The following INPP4B variants were observed in gnomAD, a reference collection of about 807,000 sequenced individuals.
The protein encoded by INPP4B is inositol polyphosphate 4-phosphatase type II.
INPP4B carries 55 observed loss-of-function variants against 122.5 expected under a neutral mutation model. The ratio of observed to expected loss-of-function variants is 0.45; its 90% CI spans 0.36 to 0.56. The LOEUF (loss-of-function observed/expected upper bound fraction) is 0.56. Among genes scored for constraint, INPP4B ranks in the 20% least tolerant of loss-of-function variants. INPP4B has a pLI of 0.00. For missense variants in INPP4B, 1,000 were observed against 1,097.7 expected (o/e 0.91, Z 1.26); for synonymous variants, 403 against 388.7 (o/e 1.04, Z -0.43).
At chr4:142,520,916 TGA>T (rs1343468017) in intron 2 of INPP4B, among the ~76,000 whole-genome samples, 3 of 152,138 alleles carry the variant, frequency 2.0e-5, no homozygotes, top group African/African-American at 7.2e-5. Context: ...ATTGACCTTA[TGA>T]TCTTTGTGTT....
chr4:142,375,402 C>G (rs573992834), intron 7 of INPP4B, among the ~76,000 whole-genome samples: 21 of 151,374 alleles, frequency 1.4e-4, no homozygotes, highest in Admixed American at 6.6e-4. Context: ...GTTTATTTCT[C>G]GAGTCATTTT....
chr4:142,819,259 G>T (rs539161103), intron 1 of INPP4B, among the ~76,000 whole-genome samples: 1 of 152,208 alleles, frequency 6.6e-6, no homozygotes, highest in Non-Finnish European at 1.5e-5. Flanking sequence ...AGCCCTAAAG[G>T]GCTACATCCA....
chr4:142,599,335 A>G (rs1739384388), intron 2 of INPP4B, among the ~76,000 whole-genome samples: 1 of 152,192 alleles, frequency 6.6e-6, no homozygotes, highest in African/African-American at 2.4e-5. Context: ...CCTAGTTGGC[A>G]TCTTTGTCTT....
At chr4:142,805,079 G>T (rs1315941318) in intron 1 of INPP4B, among the ~76,000 whole-genome samples, 1 of 152,052 alleles carries the variant, frequency 6.6e-6, no homozygotes, top group Non-Finnish European at 1.5e-5. Flanking sequence ...ACAACCGAAT[G>T]GTTATATTAA....
At position 142,242,996 on chromosome 4, in the gene INPP4B, C is replaced by A. The variant is rs28622082; in HGVS notation, c.689-4985G>T. ...CCACAGAAGTGAGCCTTAGATCTGG[C>A]AACTCAGATGTTTCTCGTCATTACT... is the stretch of plus-strand genomic sequence containing the variant. On this transcript the variant is annotated intron_variant, in intron 11 of 25. Coordinates refer to ENST00000262992, the MANE Select transcript of INPP4B (RefSeq NM_001101669.3). Among the ~76,000 whole-genome samples the A allele has an allele frequency of 4.6e-3, 697 of 152,246 alleles. 4 individuals are homozygous for A. The highest frequency in any genetic ancestry group is 0.016 in the African/African-American group (659 of 41,538).
chr4:142,365,243 A>G (rs2148611470), intron 7 of INPP4B, among the ~76,000 whole-genome samples: 1 of 152,264 alleles, frequency 6.6e-6, no homozygotes, highest in East Asian at 1.9e-4. Context: ...AAACAATAGG[A>G]GAGCAAGGGC....
At chr4:142,046,671 G>C (rs1228483988) in intron 25 of INPP4B, among the ~76,000 whole-genome samples, 3 of 151,998 alleles carry the variant, frequency 2.0e-5, no homozygotes, top group Non-Finnish European at 4.4e-5. Flanking sequence ...CTAAATTCTA[G>C]GTAATTTTAA....
chr4:142,636,923 T>G (rs1749282808), intron 2 of INPP4B, among the ~76,000 whole-genome samples: 1 of 152,152 alleles, frequency 6.6e-6, no homozygotes, highest in African/African-American at 2.4e-5. Context: ...TCAATGATTC[T>G]TCCTATAGAT....
At chr4:142,807,852 A>G (rs959876692) in intron 1 of INPP4B, among the ~76,000 whole-genome samples, 5 of 152,220 alleles carry the variant, frequency 3.3e-5, no homozygotes, top group Non-Finnish European at 7.3e-5. Flanking sequence ...ACAATATTTT[A>G]TCTAAATATG....
intron 21 of INPP4B, among the ~76,000 whole-genome samples, chr4:142,114,364 G>GACTGCCAA (rs1311484499): frequency 6.6e-6 from 1 of 151,966 alleles, no homozygotes; most frequent in Non-Finnish European, 1.5e-5. Flanking sequence ...AACTTTTTAA[G>GACTGCCAA]ACTGCCAAAC....
At chr4:142,731,655 C>A (rs1268122774) in intron 1 of INPP4B, among the ~76,000 whole-genome samples, 1 of 152,094 alleles carries the variant, frequency 6.6e-6, no homozygotes, top group East Asian at 1.9e-4. Flanking sequence ...ATGAAGTCTT[C>A]ATTTCCCTTC....
At chr4:142,455,577 G>A (rs1815226956) in intron 3 of INPP4B, among the ~76,000 whole-genome samples, 1 of 151,798 alleles carries the variant, frequency 6.6e-6, no homozygotes. Flanking sequence ...TGGACACTTA[G>A]GCTGCTTCCA....
chr4:142,046,012 G>T (rs560939025), intron 25 of INPP4B, among the ~76,000 whole-genome samples: 7 of 151,794 alleles, frequency 4.6e-5, no homozygotes, highest in Non-Finnish European at 7.4e-5. Context: ...TTTTTGAGGG[G>T]GTGAGCAAAA....
At chr4:142,433,966 G>C (rs867043098) in intron 3 of INPP4B, among the ~76,000 whole-genome samples, 2 of 151,704 alleles carry the variant, frequency 1.3e-5, no homozygotes, top group African/African-American at 4.8e-5. Flanking sequence ...GAAGATGAAA[G>C]GAGCAAAAAG....
chr4:142,704,420 T>G (rs1762216257), intron 2 of INPP4B, among the ~76,000 whole-genome samples: 1 of 152,170 alleles, frequency 6.6e-6, no homozygotes, highest in African/African-American at 2.4e-5. Context: ...CCTTGAGACA[T>G]CAACTTTATT....
At chr4:142,591,886 G>GTCATAGCC (rs1737581799) in intron 2 of INPP4B, among the ~76,000 whole-genome samples, 1 of 152,242 alleles carries the variant, frequency 6.6e-6, no homozygotes, top group East Asian at 1.9e-4. Context: ...GTGAGAAACT[G>GTCATAGCC]TCATAGCCAA....
chr4:142,218,084 C>T (rs1848053950), intron 12 of INPP4B, among the ~76,000 whole-genome samples: 1 of 151,746 alleles, frequency 6.6e-6, no homozygotes, highest in Admixed American at 6.6e-5. Flanking sequence ...CTCTTTGGAA[C>T]CCTGACCCAT....
intron 15 of INPP4B, among the ~76,000 whole-genome samples, chr4:142,179,661 G>T (rs991451869): frequency 6.6e-6 from 1 of 151,734 alleles, no homozygotes; most frequent in African/African-American, 2.4e-5. Flanking sequence ...TTTTTAGTTT[G>T]CAAGTTCTTA....
chr4:142,544,720 A>T (rs1019263163), intron 2 of INPP4B, among the ~76,000 whole-genome samples: 2 of 152,080 alleles, frequency 1.3e-5, no homozygotes, highest in Non-Finnish European at 2.9e-5. Flanking sequence ...ACCATACTTG[A>T]TTCCCCACAG....
Sources: allele counts gnomAD v4.1 joint callset (sites outside exome capture counted in the v4.1 genomes callset), GRCh38; gene constraint gnomAD v4.1.1; transcripts MANE v1.5; gene names NCBI Gene and HGNC (gene_info 2026-07-23, HGNC 2026-07-21).